TMPRSS9: variants seen among roughly 807,000 people sequenced by gnomAD.
The protein encoded by TMPRSS9 is transmembrane serine protease 9.
In TMPRSS9, 113 loss-of-function variants were observed where a neutral mutation model predicts 111.4. The observed-to-expected ratio is 1.01, with a 90% CI of 0.87 to 1.19. TMPRSS9 has a LOEUF of 1.19. Ranked by LOEUF, TMPRSS9 falls within the 50% of genes most tolerant of loss-of-function variation. The pLI is 0.00. For missense variants in TMPRSS9, 1,803 were observed against 1,513.1 expected, an observed-to-expected ratio of 1.19 and a Z score of -3.18; for synonymous variants, 805 against 659.1, an observed-to-expected ratio of 1.22 and a Z score of -3.39.
rs1599278980 is a variant in TMPRSS9 at position 2,380,299 on chromosome 19, A to T, written c.-25-9462A>T. On this transcript the variant is annotated intron_variant, in intron 1 of 17. Transcript: ENST00000649857. ...ACCCTGTCTTAAAAAAAAACAACAAAAAAACCCCACAAAAAACCAGGTACA... is the reference window on the plus strand; with the variant it reads ...ACCCTGTCTTAAAAAAAAACAACAATAAAACCCCACAAAAAACCAGGTACA... Among the ~76,000 whole-genome samples, 3 of 151,688 alleles carry T rather than the reference A, an allele frequency of 2.0e-5. No individual in the cohort carries two copies. The East Asian group carries it at 5.8e-4, about 30-fold the overall frequency.
At chr19:2,375,964 T>C (rs1970330310) in intron 1 of TMPRSS9, among the ~76,000 whole-genome samples, 1 of 152,064 alleles carries the variant, frequency 6.6e-6, no homozygotes, top group African/African-American at 2.4e-5. Context: ...GTTCCTCCTG[T>C]AAAGATGCCA....
rs779340737 is a variant in TMPRSS9 at position 2,421,813 on chromosome 19, G to T, written c.2155-41G>T. The T allele has an allele frequency of 6.5e-6, 10 of 1,545,210 alleles. No homozygotes were observed. In the Admixed American group the frequency reaches 1.8e-4, roughly 27 times the overall value. On this transcript the variant is annotated intron_variant, in intron 13 of 17. Coordinates refer to ENST00000648592, the Ensembl canonical transcript of TMPRSS9. ...GGTATGGCAGTGCTGGGAAGAGAGG[G>T]TCCCTGGAGGACCAACCAGTGCTCT...
exon 2 of TMPRSS9, chr19:2,396,624 C>G (rs760464653): frequency 1.2e-6 from 2 of 1,603,578 alleles, no homozygotes; most frequent in Non-Finnish European, 1.7e-6. Context: ...GGCGGGAGAC[C>G]TCGGACTATC....
intron 12 of TMPRSS9, 114 bp downstream of exon 13, chr19:2,416,923 A>G: frequency 2.3e-6 from 3 of 1,318,324 alleles, no homozygotes; most frequent in Non-Finnish European, 3.0e-6. Context: ...CTGCACAGGG[A>G]CCTCTGTGGC....
chr19:2,425,288 G>A, intron 16 of TMPRSS9, 21 bp downstream of exon 17: 3 of 1,219,974 alleles, frequency 2.5e-6, no homozygotes, highest in Non-Finnish European at 3.1e-6. Flanking sequence ...CCGGGGCCGC[G>A]GTGGTGCGGG....
intron 2 of TMPRSS9, among the ~76,000 whole-genome samples, chr19:2,398,297 AAATAAT>A (rs1190388381): frequency 2.1e-5 from 3 of 145,456 alleles, no homozygotes; most frequent in East Asian, 2.1e-4. Context: ...CTCTGTCTCA[AAATAAT>A]AATAATAATA....
At chr19:2,424,916 G>A (rs942739559) in intron 15 of TMPRSS9, 86 bp from the exon 17 acceptor site, 2 of 1,354,230 alleles carry the variant, frequency 1.5e-6, no homozygotes, top group African/African-American at 3.1e-5. Flanking sequence ...TGCCCAGGGT[G>A]CCAGCCGGCC....
At position 2,403,252 on chromosome 19, in the gene TMPRSS9, G is replaced by T. The variant is rs551704756; in HGVS notation, c.670+57G>T. The stretch of plus-strand genomic sequence containing the variant: ...CCCCTTCCCTTTTCCAGGGTCAGCT[G>T]CTGGCTCTGGTCTGTGGTCACTGTG... On this transcript the variant is annotated intron_variant, in intron 6 of 17. Transcript: ENST00000648592. 1.4e-5 allele frequency: 20 copies of T among 1,405,550 alleles called. No individual in the cohort carries two copies. In the East Asian group the frequency reaches 4.3e-4, roughly 30 times the overall value. 87.1% of individuals were successfully genotyped at this position (1,405,550 alleles called of 1,614,324 possible). A position where few individuals can be genotyped will look rare whatever the true frequency, so the allele number is the denominator to read the frequency against.
Position 2,409,227 on chromosome 19 carries a change from G to A in TMPRSS9, c.1117+597G>A, listed in dbSNP as rs112225455. On this transcript the variant is annotated intron_variant, in intron 8 of 17. Coordinates refer to ENST00000648592, the Ensembl canonical transcript of TMPRSS9. The stretch of plus-strand genomic sequence containing the variant: ...GCGATCTCTGCTCACTGCAGCCTCC[G>A]CCTCCGGGTTCAAGCGATTCTCTTG... Among the ~76,000 whole-genome samples, 456 of 146,888 alleles carry A rather than the reference G, an allele frequency of 3.1e-3. 2 individuals are homozygous for A. The highest frequency in any genetic ancestry group is 0.011 in the African/African-American group (430 of 39,814).
chr19:2,374,386 A>C (rs920538817), intron 1 of TMPRSS9, among the ~76,000 whole-genome samples: 1 of 134,428 alleles, frequency 7.4e-6, no homozygotes, highest in East Asian at 2.7e-4. Context: ...CACCCTGACC[A>C]ATATGGTGAA....
At chr19:2,416,647 A>T in exon 12 of TMPRSS9, 2 of 1,612,940 alleles carry the variant, frequency 1.2e-6, no homozygotes, top group Non-Finnish European at 8.5e-7. Flanking sequence ...CCCCCTCTAC[A>T]ACCCTGGCAT....
chr19:2,396,447 G>A (rs1970708804), intron 1 of TMPRSS9, 92 bp from the exon 3 acceptor site: 2 of 1,428,978 alleles, frequency 1.4e-6, no homozygotes, highest in Non-Finnish European at 1.9e-6. Flanking sequence ...CAGGGTGTGT[G>A]AGTGCAAACA....
At chr19:2,415,775 G>C in exon 11 of TMPRSS9, 1 of 1,610,216 alleles carries the variant, frequency 6.2e-7, no homozygotes, top group Non-Finnish European at 8.5e-7. Context: ...GAAGGGTCCC[G>C]GCACTTCTGC....
exon 15 of TMPRSS9, chr19:2,424,177 G>T: frequency 1.4e-6 from 2 of 1,467,040 alleles, no homozygotes; most frequent in East Asian, 2.7e-5. Context: ...TGAGCCTGTG[G>T]CTGCGGCGCC....
chr19:2,401,553 A>G (rs1393627653), intron 4 of TMPRSS9, among the ~76,000 whole-genome samples: 2 of 152,118 alleles, frequency 1.3e-5, no homozygotes, highest in African/African-American at 2.4e-5. Context: ...AGGGTGGACA[A>G]GGCAGCTGCT....
rs1002745936 is a variant in TMPRSS9 at position 2,372,257 on chromosome 19, C to A, written c.-26+11897C>A. Among the ~76,000 whole-genome samples, 56 of 152,262 alleles carry A rather than the reference C, an allele frequency of 3.7e-4. 1 individual carries two copies. The highest frequency in any genetic ancestry group is 1.3e-3 in the African/African-American group (56 of 41,566). The stretch of plus-strand genomic sequence containing the variant: ...CCTGTCACGCAGGCGGGCGAGTCTC[C>A]TCCTACTGATCTCTTTGGTTTTACA... On this transcript the variant is annotated intron_variant, in intron 1 of 17. Coordinates refer to the TMPRSS9 transcript ENST00000649857.
chr19:2,389,041 C>T (rs994568435), upstream of TMPRSS9, among the ~76,000 whole-genome samples: 4 of 151,776 alleles, frequency 2.6e-5, no homozygotes, highest in African/African-American at 9.7e-5. Flanking sequence ...AGTCCTCATC[C>T]TCACACAGCC....
chr19:2,420,528 A>G (rs1568191713), intron 13 of TMPRSS9, among the ~76,000 whole-genome samples: 1 of 152,176 alleles, frequency 6.6e-6, no homozygotes, highest in Non-Finnish European at 1.5e-5. Context: ...CAAAATATCA[A>G]TGACAGTGTA....
chr19:2,395,639 C>T (rs542523722), intron 1 of TMPRSS9, among the ~76,000 whole-genome samples: 11 of 152,150 alleles, frequency 7.2e-5, no homozygotes, highest in Admixed American at 1.3e-4. Context: ...TGCTTGAACC[C>T]GGGAGGCGGA....
Sources: allele counts gnomAD v4.1 joint callset (sites outside exome capture counted in the v4.1 genomes callset), GRCh38; gene constraint gnomAD v4.1.1; transcripts MANE v1.5; gene names NCBI Gene and HGNC (gene_info 2026-07-23, HGNC 2026-07-21).